PDE11A: variants seen among roughly 807,000 people sequenced by gnomAD.
The protein encoded by PDE11A is phosphodiesterase 11A.
Under a neutral mutation model 100.5 loss-of-function variants are expected in PDE11A, and 100 were observed. The ratio of observed to expected loss-of-function variants is 1.00; its 90% CI spans 0.85 to 1.18. The LOEUF (loss-of-function observed/expected upper bound fraction) is 1.18. PDE11A is among the 50% of genes most tolerant of loss of function. The pLI is 0.00. For synonymous variants in PDE11A, 381 were observed against 420.8 expected (o/e 0.91, Z 1.16); for missense variants, 1,141 against 1,152.6 (o/e 0.99, Z 0.15).
chr2:177,710,917 C>T (rs943620037), intron 13 of PDE11A, among the ~76,000 whole-genome samples: 2 of 152,216 alleles, frequency 1.3e-5, no homozygotes, highest in Admixed American at 6.5e-5. Flanking sequence ...TGAAGTTAAT[C>T]TTACCTCTTC....
chr2:177,856,743 T>C (rs2105660849), intron 5 of PDE11A, among the ~76,000 whole-genome samples: 2 of 152,078 alleles, frequency 1.3e-5, no homozygotes, highest in South Asian at 4.2e-4. Flanking sequence ...TTCAAACATC[T>C]AGTCTGAGGA....
At chr2:177,856,712 T>A (rs114616905) in intron 5 of PDE11A, among the ~76,000 whole-genome samples, 1 of 152,000 alleles carries the variant, frequency 6.6e-6, no homozygotes, top group Non-Finnish European at 1.5e-5. Context: ...AAAAGCATCA[T>A]TGAACTTGAA....
At chr2:177,631,593 A>G (rs2079944998) in intron 19 of PDE11A, among the ~76,000 whole-genome samples, 4 of 39,160 alleles carry the variant, frequency 1.0e-4, no homozygotes, top group Non-Finnish European at 1.8e-4. Flanking sequence ...ATACACACAC[A>G]TATATATGTG....
intron 1 of PDE11A, among the ~76,000 whole-genome samples, chr2:178,050,866 C>A (rs1312976067): frequency 1.3e-5 from 2 of 152,030 alleles, no homozygotes; most frequent in Non-Finnish European, 2.9e-5. Context: ...GTGAAAAGAC[C>A]AAATCTACGT....
intron 10 of PDE11A, among the ~76,000 whole-genome samples, chr2:177,747,607 T>G (rs1451768015): frequency 2.6e-5 from 4 of 152,234 alleles, no homozygotes. Context: ...GATGTTGGAA[T>G]TATCCTTTTC....
rs559640058 is a variant in PDE11A, at chr2:177,664,271, G to A, written c.2563-322C>T. ...CTGCGAATTGGGTACAGGTCAAGGG[G>A]AAAGGAATATGTTTTACTGCCACAA... On this transcript the variant is annotated intron_variant, in intron 18 of 19. Transcript: ENST00000286063. Among the ~76,000 whole-genome samples, 28 of 152,278 alleles carry A rather than the reference G, an allele frequency of 1.8e-4. No homozygotes were observed. In the East Asian group the frequency reaches 5.4e-3, roughly 29 times the overall value.
intron 9 of PDE11A, among the ~76,000 whole-genome samples, chr2:177,807,900 A>C (rs2082896207): frequency 6.6e-6 from 1 of 152,230 alleles, no homozygotes; most frequent in South Asian, 2.1e-4. Flanking sequence ...TAACTAAAAA[A>C]CAGTTTTTAT....
intron 1 of PDE11A, among the ~76,000 whole-genome samples, chr2:178,041,517 G>A (rs1400316447): frequency 6.6e-6 from 1 of 152,104 alleles, no homozygotes; most frequent in African/African-American, 2.4e-5. Context: ...TGGGATTATA[G>A]GTGTGAGCCA....
At chr2:177,635,538 C>T (rs1161159399) in intron 19 of PDE11A, among the ~76,000 whole-genome samples, 2 of 152,190 alleles carry the variant, frequency 1.3e-5, no homozygotes, top group East Asian at 3.8e-4. Context: ...TTGTGACCAG[C>T]ATATACAGTT....
chr2:178,055,325 C>T (rs989182936), intron 1 of PDE11A, among the ~76,000 whole-genome samples: 1 of 117,836 alleles, frequency 8.5e-6, no homozygotes, highest in Non-Finnish European at 1.7e-5. Flanking sequence ...GGGTGGGGAA[C>T]ATCACACACC....
intron 2 of PDE11A, among the ~76,000 whole-genome samples, chr2:177,954,072 C>A (rs2085533241): frequency 6.6e-6 from 1 of 151,268 alleles, no homozygotes; most frequent in African/African-American, 2.4e-5. Context: ...ATATTATTTC[C>A]CATCTAGAAT....
At chr2:177,629,748 A>G (rs1264857152) in intron 19 of PDE11A, among the ~76,000 whole-genome samples, 186 bp from the exon 20 acceptor site, 6 of 152,230 alleles carry the variant, frequency 3.9e-5, no homozygotes, top group African/African-American at 1.4e-4. Flanking sequence ...TGTTGTATTA[A>G]TAGAGCCTAC....
At chr2:178,097,176 G>A (rs749784950) in intron 2 of PDE11A, among the ~76,000 whole-genome samples, 2 of 152,156 alleles carry the variant, frequency 1.3e-5, no homozygotes, top group Non-Finnish European at 2.9e-5. Flanking sequence ...GTGAGCCACC[G>A]TGCTCGGCCA....
At chr2:177,931,416 A>G in intron 2 of PDE11A, among the ~76,000 whole-genome samples, 1 of 152,154 alleles carries the variant, frequency 6.6e-6, no homozygotes, top group East Asian at 1.9e-4. Flanking sequence ...AAGTCTCAAT[A>G]CATTCAAAAA....
intron 2 of PDE11A, among the ~76,000 whole-genome samples, chr2:177,928,339 A>T (rs1255022331): frequency 6.6e-6 from 1 of 152,140 alleles, no homozygotes; most frequent in Non-Finnish European, 1.5e-5. Flanking sequence ...CTATAAAAAA[A>T]ATTAAAGAAT....
In PDE11A at chr2:178,072,279, G is replaced by C. The variant is rs992080243; in HGVS notation, c.159C>G (p.Pro53=). 1.2e-6 allele frequency: 2 copies of C among 1,613,852 alleles called. No individual in the cohort carries two copies. The highest frequency in any genetic ancestry group is 2.7e-5 in the African/African-American group (2 of 75,044). The stretch of plus-strand genomic sequence containing the variant: ...CCAAGCTGCTGGTACCAGCCAAAGA[G>C]GGCCTTGGACCTAAAGCCCCCTGAC... ...SQGQGALGPR[P]SLAGTSSLAH... The change falls in exon 1 of 20, where the codon CCC becomes CCG. Residue 53 remains proline, a synonymous_variant. Transcript: ENST00000286063.
At chr2:177,788,922 A>G (rs2082584418) in intron 9 of PDE11A, among the ~76,000 whole-genome samples, 1 of 152,176 alleles carries the variant, frequency 6.6e-6, no homozygotes, top group South Asian at 2.1e-4. Flanking sequence ...AAAAGAGTCC[A>G]GGACCAGATG....
At chr2:177,713,741 A>G (rs977722066) in intron 12 of PDE11A, among the ~76,000 whole-genome samples, 1 of 151,804 alleles carries the variant, frequency 6.6e-6, no homozygotes, top group Non-Finnish European at 1.5e-5. Flanking sequence ...CAAACAAACA[A>G]ACAAAAAAGC....
intron 9 of PDE11A, among the ~76,000 whole-genome samples, chr2:177,786,819 G>C (rs1242105852): frequency 6.6e-6 from 1 of 152,058 alleles, no homozygotes; most frequent in Non-Finnish European, 1.5e-5. Flanking sequence ...AAAATGAAGC[G>C]AGAAGGGAAG....
Sources: allele counts gnomAD v4.1 joint callset (sites outside exome capture counted in the v4.1 genomes callset), GRCh38; gene constraint gnomAD v4.1.1; transcripts MANE v1.5; gene names NCBI Gene and HGNC (gene_info 2026-07-23, HGNC 2026-07-21).